Variants in SLC7A7 observed in about 807,000 individuals in gnomAD.
SLC7A7 encodes the protein solute carrier family 7 member 7.
A neutral mutation model predicts 47.9 loss-of-function variants in SLC7A7; 39 were observed. The ratio of observed to expected loss-of-function variants is 0.81; its 90% CI spans 0.63 to 1.06. The LOEUF (loss-of-function observed/expected upper bound fraction) is 1.06. Among genes scored for constraint, SLC7A7 ranks in the 50% least tolerant of loss-of-function variants. The pLI, the probability that SLC7A7 is intolerant of heterozygous loss-of-function variation, is 0.00. For synonymous variants in SLC7A7, 234 were observed against 242.8 expected (o/e 0.96, Z 0.34); for missense variants, 588 against 632.0 (o/e 0.93, Z 0.75).
At chr14:22,780,196 C>T (rs1358850809) in intron 2 of SLC7A7, 145 bp from the exon 3 acceptor site, 2 of 1,096,102 alleles carry the variant, frequency 1.8e-6, no homozygotes, top group Non-Finnish European at 2.7e-6. Flanking sequence ...GCACTGGAAC[C>T]CTCGGGGCCC....
At position 22,805,301 on chromosome 14, in the gene SLC7A7, G is replaced by T. The variant is rs564949698; in HGVS notation, c.499+7599C>A. Among the ~76,000 whole-genome samples the T allele has an allele frequency of 8.5e-5, 13 of 152,328 alleles. No homozygotes were observed. The South Asian group carries it at 2.3e-3, about 27-fold the overall frequency. On this transcript the variant is annotated intron_variant, in intron 2 of 9. Coordinates refer to ENST00000674313, the MANE Select transcript of SLC7A7 (RefSeq NM_003982.4). The stretch of plus-strand genomic sequence containing the variant: ...AACCACTCAAAACAAGGAGGCAGAG[G>T]TTGCAGTTAGCCAAGATCATGCCAC...
chr14:22,795,998 C>T (rs1433068122), intron 2 of SLC7A7, among the ~76,000 whole-genome samples: 4 of 152,178 alleles, frequency 2.6e-5, no homozygotes, highest in Non-Finnish European at 5.9e-5. Flanking sequence ...CCCTTCACTG[C>T]TGGTCAAGAG....
chr14:22,781,033 A>G (rs892568516), intron 2 of SLC7A7, among the ~76,000 whole-genome samples: 3 of 152,260 alleles, frequency 2.0e-5, no homozygotes, highest in Non-Finnish European at 1.5e-5. Context: ...AAAAAAATAC[A>G]GATCTTCCCA....
At chr14:22,794,592 AG>A (rs1349585189) in intron 2 of SLC7A7, among the ~76,000 whole-genome samples, 17 of 152,138 alleles carry the variant, frequency 1.1e-4, no homozygotes, top group South Asian at 2.1e-4. Context: ...CACACCCCAG[AG>A]GTTCTGATGC....
rs1481349883 is a variant in SLC7A7, at chr14:22,778,907, T to C, written c.656A>G (p.Glu219Gly). 2 of 1,614,096 alleles carry C rather than the reference T, an allele frequency of 1.2e-6. No homozygotes were observed. Among genetic ancestry groups the C allele is most frequent in the South Asian group, 2.2e-5 (2 of 91,070 alleles). The change falls in exon 4 of 10, where the codon GAG (glutamate) becomes GGG (glycine). Residue 219 changes from glutamate (E) to glycine (G), a missense_variant. Physicochemically the swap from Glu to Gly is moderately conservative, Grantham distance 98. Coordinates refer to ENST00000674313, the MANE Select transcript of SLC7A7 (RefSeq NM_003982.4). ...GTCACCCACTGCAAATGATGAACCC[T>C]CAAAGGAATTCTCAAAATGAGTAGA... ...GASTHFENSF[E>G]GSSFAVGDIA...
chr14:22,773,919 G>C lies in SLC7A7; in HGVS notation c.1429+14C>G. 1 of 1,613,752 alleles carries C rather than the reference G, an allele frequency of 6.2e-7. No individual in the cohort carries two copies. The highest frequency in any genetic ancestry group is 2.2e-5 in the East Asian group (1 of 44,886). On this transcript the variant is annotated intron_variant, in intron 9 of 9. Coordinates refer to ENST00000674313, the MANE Select transcript of SLC7A7 (RefSeq NM_003982.4). ...TCTGCAATAGCTGAGCGGACTTAAG[G>C]ATGCACGGCTTACCCACGATCCTTC... is the stretch of plus-strand genomic sequence containing the variant.
chr14:22,787,918 A>C (rs1420725220), intron 2 of SLC7A7, among the ~76,000 whole-genome samples: 1 of 151,484 alleles, frequency 6.6e-6, no homozygotes, highest in Non-Finnish European at 1.5e-5. Flanking sequence ...CTAAAAATAC[A>C]AAAAGTTAGC....
In SLC7A7 at chr14:22,807,186, A is replaced by T. The variant is rs574148637; in HGVS notation, c.499+5714T>A. Among the ~76,000 whole-genome samples the T allele has an allele frequency of 5.3e-5, 8 of 152,262 alleles. No individual in the cohort carries two copies. The East Asian group carries it at 1.5e-3, about 29-fold the overall frequency. The stretch of plus-strand genomic sequence containing the variant: ...AGTGCTGGGATTACAGGCGTGAGCC[A>T]CCGCGCCGGGCCAACTATTTCTTTA... On this transcript the variant is annotated intron_variant, in intron 2 of 9. Transcript: ENST00000674313.
intron 4 of SLC7A7, among the ~76,000 whole-genome samples, chr14:22,777,164 AAAGC>A (rs2038627997): frequency 1.3e-5 from 2 of 150,974 alleles, no homozygotes; most frequent in Non-Finnish European, 3.0e-5. Flanking sequence ...AAAAAAAAAA[AAAGC>A]AGGGCGGGGG....
chr14:22,790,775 G>A (rs977787905), intron 2 of SLC7A7, among the ~76,000 whole-genome samples: 3 of 152,100 alleles, frequency 2.0e-5, no homozygotes, highest in Non-Finnish European at 2.9e-5. Context: ...GGAGGCAGAC[G>A]AATCACGAGT....
chr14:22,792,322 G>A (rs1566451619), intron 2 of SLC7A7, among the ~76,000 whole-genome samples: 1 of 152,082 alleles, frequency 6.6e-6, no homozygotes, highest in Non-Finnish European at 1.5e-5. Context: ...CAGCACTTTG[G>A]AAGGCCAAGA....
At chr14:22,791,194 T>C (rs1043499203) in intron 2 of SLC7A7, among the ~76,000 whole-genome samples, 1 of 152,170 alleles carries the variant, frequency 6.6e-6, no homozygotes, top group Non-Finnish European at 1.5e-5. Flanking sequence ...GGCATTTTTC[T>C]CCTTGCCTCT....
upstream of SLC7A7, among the ~76,000 whole-genome samples, chr14:22,816,866 G>A (rs1323713912): frequency 6.6e-6 from 1 of 151,874 alleles, no homozygotes; most frequent in Non-Finnish European, 1.5e-5. Context: ...TGGTGTGAGC[G>A]TTCCCAGAGA....
intron 2 of SLC7A7, among the ~76,000 whole-genome samples, chr14:22,784,371 G>A (rs2038775189): frequency 1.3e-5 from 2 of 152,210 alleles, no homozygotes; most frequent in African/African-American, 4.8e-5. Context: ...TGTAATCCCA[G>A]CACTTTGGGA....
chr14:22,804,451 T>G lies in SLC7A7; in HGVS notation c.499+8449A>C, dbSNP rs1343406752. Among the ~76,000 whole-genome samples the G allele has an allele frequency of 2.6e-5, 4 of 152,282 alleles. No individual in the cohort carries two copies. The East Asian group carries it at 7.7e-4, about 29-fold the overall frequency. ...CCTCTACAGAATGGGAGAAAATTTT[T>G]GCAATCTATCCATCTGAAAAAGGTC... On this transcript the variant is annotated intron_variant, in intron 2 of 9. Transcript: ENST00000674313.
chr14:22,775,150 G>A (rs987335632), intron 7 of SLC7A7, among the ~76,000 whole-genome samples: 2 of 152,054 alleles, frequency 1.3e-5, no homozygotes, highest in African/African-American at 2.4e-5. Flanking sequence ...GGAAGTGATC[G>A]TTTCTTCTCT....
intron 2 of SLC7A7, among the ~76,000 whole-genome samples, chr14:22,785,894 C>T (rs2038805347): frequency 6.6e-6 from 1 of 151,620 alleles, no homozygotes; most frequent in South Asian, 2.1e-4. Context: ...TGGTGGCAGG[C>T]GCCTATAGTC....
chr14:22,793,522 T>C lies in SLC7A7; in HGVS notation c.500-13471A>G, dbSNP rs185590927. 4.1e-3 allele frequency among the ~76,000 whole-genome samples: 619 copies of C among 152,172 alleles called. 4 individuals carry two copies. Among genetic ancestry groups the C allele is most frequent in the Middle Eastern group, 0.014 (4 of 294 alleles). The stretch of plus-strand genomic sequence containing the variant: ...ACATTAGCCACAAGATTAGAAATTA[T>C]GGTTTAGGGCTGGGCACGGTGGCTC... On this transcript the variant is annotated intron_variant, in intron 2 of 9. Transcript: ENST00000674313.
chr14:22,774,280 G>A, intron 8 of SLC7A7, 74 bp downstream of exon 8: 5 of 1,609,400 alleles, frequency 3.1e-6, no homozygotes, highest in Non-Finnish European at 3.4e-6. Context: ...TAAATAAAGT[G>A]CTTTGTCATA....
Sources: gnomAD v4.1 joint callset for allele counts (sites outside exome capture counted in the v4.1 genomes callset) on GRCh38, gnomAD v4.1.1 for gene constraint, MANE v1.5 for transcripts, NCBI Gene and HGNC (gene_info 2026-07-23, HGNC 2026-07-21) for gene names.